The following LTBP2 variants were observed in gnomAD, a reference collection of about 807,000 sequenced individuals.
LTBP2 encodes latent transforming growth factor beta binding protein 2.
A neutral mutation model predicts 210.6 loss-of-function variants in LTBP2; 103 were observed. The ratio of observed to expected loss-of-function variants is 0.49; its 90% CI spans 0.42 to 0.58. LTBP2 has a LOEUF of 0.58. Among genes scored for constraint, LTBP2 ranks in the 20% least tolerant of loss-of-function variants. The pLI, the probability that LTBP2 is intolerant of heterozygous loss-of-function variation, is 0.00. For missense variants in LTBP2, 2,313 were observed against 2,494.5 expected, an observed-to-expected ratio of 0.93 and a Z score of 1.55; for synonymous variants, 1,007 against 1,015.0, an observed-to-expected ratio of 0.99 and a Z score of 0.15.
At chr14:74,510,484 G>A (rs2087056610) in intron 19 of LTBP2, among the ~76,000 whole-genome samples, 1 of 152,230 alleles carries the variant, frequency 6.6e-6, no homozygotes, top group Non-Finnish European at 1.5e-5. Context: ...CCTGGGGCTG[G>A]TTTGGCTCAT....
intron 27 of LTBP2, 26 bp downstream of exon 27, chr14:74,506,672 C>A (rs747785653): frequency 9.3e-6 from 15 of 1,611,868 alleles, no homozygotes; most frequent in Middle Eastern, 1.6e-4. Context: ...CTGGCCCAGA[C>A]CTTGGGTAGC....
At chr14:74,516,038 G>A (rs2139703178) in intron 18 of LTBP2, among the ~76,000 whole-genome samples, 1 of 152,358 alleles carries the variant, frequency 6.6e-6, no homozygotes, top group East Asian at 1.9e-4. Flanking sequence ...CCTTCTGAAA[G>A]CAGGCAAGTC....
At chr14:74,509,960 A>G in intron 20 of LTBP2, 101 bp from the exon 21 acceptor site, 1 of 1,609,638 alleles carries the variant, frequency 6.2e-7, no homozygotes, top group South Asian at 1.1e-5. Context: ...CTGGGCAGGG[A>G]TGTGTTGGGT....
chr14:74,566,296 A>T (rs954102572), intron 3 of LTBP2, among the ~76,000 whole-genome samples: 5 of 152,216 alleles, frequency 3.3e-5, no homozygotes, highest in Non-Finnish European at 5.9e-5. Flanking sequence ...AGGCAGACAG[A>T]GGGAGAGGCT....
intron 8 of LTBP2, among the ~76,000 whole-genome samples, chr14:74,548,668 C>T (rs1277203943): frequency 6.6e-6 from 1 of 152,226 alleles, no homozygotes; most frequent in African/African-American, 2.4e-5. Context: ...CCATTCCTTT[C>T]TCGCTTTCTT....
chr14:74,562,206 G>T (rs957859928), intron 3 of LTBP2, among the ~76,000 whole-genome samples: 3 of 150,490 alleles, frequency 2.0e-5, no homozygotes, highest in African/African-American at 7.4e-5. Context: ...GTGAGACTCC[G>T]TCTCAGAAAA....
At chr14:74,585,433 A>G (rs974325001) in intron 3 of LTBP2, among the ~76,000 whole-genome samples, 7 of 152,184 alleles carry the variant, frequency 4.6e-5, no homozygotes, top group African/African-American at 1.7e-4. Flanking sequence ...AATCTTTACG[A>G]CAATTCATAG....
At position 74,534,447 on chromosome 14, in the gene LTBP2, C is replaced by T. The variant is rs115711428; in HGVS notation, c.1864+1479G>A. On this transcript the variant is annotated intron_variant, in intron 9 of 35. Transcript: ENST00000261978. ...TTCACATTGCCTGGAGAGCTTGCAT[C>T]CTCTTAGTTGGCCAACGTGTACTCA... 9.4e-3 allele frequency among the ~76,000 whole-genome samples: 1,424 copies of T among 152,248 alleles called. 23 individuals carry two copies. Among genetic ancestry groups the T allele is most frequent in the African/African-American group, 0.033 (1,356 of 41,546 alleles).
At chr14:74,542,324 C>T (rs1433956670) in intron 8 of LTBP2, among the ~76,000 whole-genome samples, 1 of 152,226 alleles carries the variant, frequency 6.6e-6, no homozygotes, top group Non-Finnish European at 1.5e-5. Flanking sequence ...AACTCTCCCC[C>T]TCGGCTGCTG....
intron 13 of LTBP2, among the ~76,000 whole-genome samples, chr14:74,526,507 G>A (rs528047642): frequency 1.8e-4 from 28 of 152,302 alleles, no homozygotes; most frequent in African/African-American, 6.7e-4. Flanking sequence ...GGGGAAGCTG[G>A]GACCACAGGT....
chr14:74,580,173 G>A (rs1348989535), intron 3 of LTBP2, among the ~76,000 whole-genome samples: 3 of 152,178 alleles, frequency 2.0e-5, no homozygotes, highest in African/African-American at 7.2e-5. Flanking sequence ...TAGATGTGGT[G>A]GACAGAGAGG....
At chr14:74,506,596 G>A in intron 27 of LTBP2, 102 bp downstream of exon 27, 1 of 1,557,000 alleles carries the variant, frequency 6.4e-7, no homozygotes, top group Non-Finnish European at 8.7e-7. Context: ...CCATGCTCTG[G>A]GGACCCGTGA....
In LTBP2 at chr14:74,587,486, G is replaced by C. The variant is rs561440406; in HGVS notation, c.566-1368C>G. ...CCTCTCTGAAGAGAGAGATGGGAGC[G>C]TGCAAAGGAAGCGAACCCCCAAAGA... On this transcript the variant is annotated intron_variant, in intron 2 of 35. Coordinates refer to ENST00000261978, the MANE Select transcript of LTBP2 (RefSeq NM_000428.3). 1.1e-4 allele frequency among the ~76,000 whole-genome samples: 16 copies of C among 151,594 alleles called. 1 individual carries two copies. The highest frequency in any genetic ancestry group is 1.1e-3 in the Admixed American group (16 of 15,232).
At chr14:74,526,174 C>T (rs957363205) in intron 13 of LTBP2, 60 bp from the exon 14 acceptor site, 4 of 1,519,504 alleles carry the variant, frequency 2.6e-6, no homozygotes, top group Non-Finnish European at 3.6e-6. Context: ...GATGTGCCAC[C>T]TTCCACCACA....
At chr14:74,566,151 T>A (rs2087899604) in intron 3 of LTBP2, among the ~76,000 whole-genome samples, 1 of 152,132 alleles carries the variant, frequency 6.6e-6, no homozygotes, top group Non-Finnish European at 1.5e-5. Flanking sequence ...GCTCTAATCA[T>A]GAAATTAAGT....
At chr14:74,610,732 T>C (rs1453506404) in intron 1 of LTBP2, among the ~76,000 whole-genome samples, 1 of 152,116 alleles carries the variant, frequency 6.6e-6, no homozygotes, top group Non-Finnish European at 1.5e-5. Context: ...AGCAAAAAAG[T>C]AAATTGCAGG....
At chr14:74,540,812 A>ATATTATATATATAT (rs2087487649) in intron 8 of LTBP2, among the ~76,000 whole-genome samples, 6 of 7,704 alleles carry the variant, frequency 7.8e-4, no homozygotes, top group South Asian at 0.011. Context: ...TATATATAAT[A>ATATTATATATATAT]TATATATATT....
At chr14:74,571,679 G>A (rs1366662045) in intron 3 of LTBP2, among the ~76,000 whole-genome samples, 1 of 152,212 alleles carries the variant, frequency 6.6e-6, no homozygotes, top group Non-Finnish European at 1.5e-5. Flanking sequence ...GGCGTGGCCT[G>A]GCTGGGGTCT....
chr14:74,601,133 T>A (rs536378516), intron 2 of LTBP2, among the ~76,000 whole-genome samples: 87 of 152,188 alleles, frequency 5.7e-4, no homozygotes, highest in Non-Finnish European at 1.1e-3. Context: ...GCCGCCCACA[T>A]CCCTGGCTTC....
Sources: gnomAD v4.1 joint callset for allele counts (sites outside exome capture counted in the v4.1 genomes callset) on GRCh38, gnomAD v4.1.1 for gene constraint, MANE v1.5 for transcripts, NCBI Gene and HGNC (gene_info 2026-07-23, HGNC 2026-07-21) for gene names.